Variants in RALGAPA2 observed in about 807,000 individuals in gnomAD.
The protein encoded by RALGAPA2 is Ral GTPase activating protein catalytic subunit alpha 2, also known as ral GTPase-activating protein subunit alpha-2.
RALGAPA2 carries 139 observed loss-of-function variants against 230.4 expected under a neutral mutation model. The observed-to-expected ratio is 0.60, with a 90% CI of 0.53 to 0.69. RALGAPA2 has a LOEUF of 0.69. Among genes scored for constraint, RALGAPA2 ranks in the 30% least tolerant of loss-of-function variants. The pLI is 0.00. For synonymous variants in RALGAPA2, 847 were observed against 837.8 expected (o/e 1.01, Z -0.19); for missense variants, 2,163 against 2,276.0 (o/e 0.95, Z 1.01).
intron 39 of RALGAPA2, among the ~76,000 whole-genome samples, chr20:20,395,449 C>T (rs1030072037): frequency 7.2e-5 from 11 of 152,212 alleles, no homozygotes; most frequent in African/African-American, 2.7e-4. Context: ...ACAGGACACT[C>T]GAACCTCACC....
At chr20:20,657,658 T>G (rs964183862) in intron 3 of RALGAPA2, among the ~76,000 whole-genome samples, 1 of 152,192 alleles carries the variant, frequency 6.6e-6, no homozygotes, top group Non-Finnish European at 1.5e-5. Context: ...CTTCCTTCCA[T>G]GCAGTTCACA....
At chr20:20,632,117 T>C (rs1284920579) in intron 9 of RALGAPA2, among the ~76,000 whole-genome samples, 1 of 151,702 alleles carries the variant, frequency 6.6e-6, no homozygotes, top group Non-Finnish European at 1.5e-5. Flanking sequence ...CTCCGCCTCC[T>C]GGGTCCATGC....
At chr20:20,636,127 A>G (rs1000627946) in intron 8 of RALGAPA2, among the ~76,000 whole-genome samples, 1 of 152,184 alleles carries the variant, frequency 6.6e-6, no homozygotes, top group African/African-American at 2.4e-5. Context: ...TCTACTTTAT[A>G]TTTAAAAGAA....
intron 14 of RALGAPA2, among the ~76,000 whole-genome samples, chr20:20,610,118 A>G (rs1002269840): frequency 6.6e-6 from 1 of 152,146 alleles, no homozygotes; most frequent in East Asian, 1.9e-4. Flanking sequence ...TATGCTTTTT[A>G]ACATATATCC....
chr20:20,507,776 A>T (rs1440447509), intron 33 of RALGAPA2, among the ~76,000 whole-genome samples: 1 of 152,234 alleles, frequency 6.6e-6, no homozygotes, highest in Non-Finnish European at 1.5e-5. Context: ...CCAATGGCGT[A>T]GAATCTAACT....
intron 37 of RALGAPA2, among the ~76,000 whole-genome samples, chr20:20,419,033 C>A (rs891662520): frequency 6.6e-6 from 1 of 152,190 alleles, no homozygotes; most frequent in Non-Finnish European, 1.5e-5. Context: ...AGCCACCTTA[C>A]CTGGCCTATA....
chr20:20,464,685 A>G (rs1158371756), intron 37 of RALGAPA2, among the ~76,000 whole-genome samples: 4 of 152,244 alleles, frequency 2.6e-5, no homozygotes, highest in Non-Finnish European at 5.9e-5. Flanking sequence ...TTAAAATCAA[A>G]TATGAAGTTA....
At chr20:20,509,424 C>T (rs1017930251) in intron 33 of RALGAPA2, among the ~76,000 whole-genome samples, 1 of 152,166 alleles carries the variant, frequency 6.6e-6, no homozygotes, top group Non-Finnish European at 1.5e-5. Flanking sequence ...CCAGGTAAAA[C>T]TACAAATGAA....
In RALGAPA2 at chr20:20,635,417, C is replaced by G. The variant is rs2066824777; in HGVS notation, c.1005+1G>C. ...AGATAAAAAGATGATGGATGGCATA[C>G]CTGGATGATTTTAGGCAATACATCA... On this transcript the variant is annotated splice_donor_variant, in intron 9 of 39. Coordinates refer to ENST00000202677, the MANE Select transcript of RALGAPA2 (RefSeq NM_020343.4). LOFTEE classifies it high-confidence loss of function. 6.3e-7 allele frequency: 1 copy of G among 1,587,168 alleles called. No individual in the cohort carries two copies. The highest frequency in any genetic ancestry group is 8.6e-7 in the Non-Finnish European group (1 of 1,167,762).
rs779443942 is a variant in RALGAPA2 at position 20,520,945 on chromosome 20, T to C, written c.4056A>G (p.Glu1352=). Residue 1352 remains glutamate (E), a synonymous_variant, in exon 31 of 40, where the codon GAA becomes GAG. Coordinates refer to ENST00000202677, the MANE Select transcript of RALGAPA2 (RefSeq NM_020343.4). ...SEPVQYHSSA[E]LGNLLTVEEE... ...CTTCAACAGTCAGCAGGTTACCCAA[T>C]TCTGCTGATGAATGATACTGGACTG... The C allele has an allele frequency of 1.2e-6, 2 of 1,612,282 alleles. No individual in the cohort carries two copies. Among genetic ancestry groups the C allele is most frequent in the Admixed American group, 3.3e-5 (2 of 59,968 alleles).
intron 23 of RALGAPA2, among the ~76,000 whole-genome samples, chr20:20,566,832 A>G (rs2064443098): frequency 6.6e-6 from 1 of 152,180 alleles, no homozygotes; most frequent in Admixed American, 6.5e-5. Flanking sequence ...ATCACACTCT[A>G]TTACACTAGA....
Position 20,676,341 on chromosome 20 carries a change from A to G in RALGAPA2, c.218-53T>C, listed in dbSNP as rs1441708672. ...CATGACATCATTTAAACTTCAGGAC[A>G]CTACAAATTATGCTAAAAGGCAGCT... On this transcript the variant is annotated intron_variant, in intron 2 of 39. Coordinates refer to ENST00000202677, the MANE Select transcript of RALGAPA2 (RefSeq NM_020343.4). 11 of 1,231,370 alleles carry G rather than the reference A, an allele frequency of 8.9e-6. No individual in the cohort carries two copies. In the East Asian group the frequency reaches 2.6e-4, roughly 29 times the overall value. The allele number at this position is 1,231,370 out of a possible 1,614,324, so 76.3% of individuals were successfully genotyped here. A position where few individuals can be genotyped will look rare whatever the true frequency, so the allele number is the denominator to read the frequency against.
At chr20:20,480,250 AACTGGGTAGGG>A (rs1210528008) in intron 36 of RALGAPA2, among the ~76,000 whole-genome samples, 5 of 152,338 alleles carry the variant, frequency 3.3e-5, no homozygotes, top group Non-Finnish European at 5.9e-5. Flanking sequence ...GCCAAAGAAG[AACTGGGTAGGG>A]ACTTGCCTTA....
chr20:20,452,037 T>G (rs1400469750), intron 37 of RALGAPA2, among the ~76,000 whole-genome samples: 1 of 152,232 alleles, frequency 6.6e-6, no homozygotes, highest in African/African-American at 2.4e-5. Flanking sequence ...CAATTACAAG[T>G]GTTCAACTAA....
At chr20:20,524,695 T>A (rs2063148023) in intron 29 of RALGAPA2, 135 bp downstream of exon 29, 3 of 1,304,818 alleles carry the variant, frequency 2.3e-6, no homozygotes, top group Non-Finnish European at 3.1e-6. Context: ...TAAGTAGCAT[T>A]TTCACAAAAA....
intron 12 of RALGAPA2, among the ~76,000 whole-genome samples, chr20:20,618,161 A>G (rs2066208367): frequency 6.6e-6 from 1 of 152,186 alleles, no homozygotes; most frequent in Non-Finnish European, 1.5e-5. Context: ...CCTACTGTAA[A>G]TGTAACTCAA....
chr20:20,407,062 G>A (rs1212912308), intron 38 of RALGAPA2, among the ~76,000 whole-genome samples: 1 of 152,190 alleles, frequency 6.6e-6, no homozygotes, highest in Non-Finnish European at 1.5e-5. Context: ...GGTGAAGATT[G>A]AGTTGGCACT....
At chr20:20,585,594 A>G (rs189062895) in intron 18 of RALGAPA2, among the ~76,000 whole-genome samples, 182 of 152,362 alleles carry the variant, frequency 1.2e-3, no homozygotes, top group South Asian at 4.3e-3. Flanking sequence ...ATGCAGAATA[A>G]ACTGTTGCCT....
Position 20,398,647 on chromosome 20 carries a change from C to A in RALGAPA2, c.5618-1913G>T, listed in dbSNP as rs1413326045. Among the ~76,000 whole-genome samples, 1 of 152,008 alleles carries A rather than the reference C, an allele frequency of 6.6e-6. No homozygotes were observed. Among genetic ancestry groups the A allele is most frequent in the Admixed American group, 6.5e-5 (1 of 15,270 alleles). On this transcript the variant is annotated intron_variant, in intron 38 of 39. Transcript: ENST00000202677. The surrounding 1 kb of genome is among the most constrained non-coding windows in gnomAD (Gnocchi z 4.5). ...ACCAACCTGGGCAGTGTGGAGGGCA[C>A]CTGGAGGGCAATGTGCTCGGAGATG... is the stretch of plus-strand genomic sequence containing the variant.
Sources: gnomAD v4.1 joint callset for allele counts (sites outside exome capture counted in the v4.1 genomes callset) on GRCh38, gnomAD v4.1.1 for gene constraint, Gnocchi (gnomAD v3.1) non-coding constraint, MANE v1.5 for transcripts, NCBI Gene and HGNC (gene_info 2026-07-23, HGNC 2026-07-21) for gene names.